The following GSKIP variants were observed in gnomAD, a reference collection of about 807,000 sequenced individuals.
The protein encoded by GSKIP is GSK3B-interacting protein.
Under a neutral mutation model 11.9 loss-of-function variants are expected in GSKIP, and 5 were observed. The ratio of observed to expected loss-of-function variants is 0.42; its 90% CI spans 0.22 to 0.89. The LOEUF (loss-of-function observed/expected upper bound fraction) is 0.89, where lower values mean the gene tolerates loss of function less well. GSKIP is among the 40% of genes least tolerant of loss of function. The probability of loss-of-function intolerance (pLI) is 0.29; values close to 1 mark genes in which losing one functional copy is unlikely to be tolerated. For missense variants in GSKIP, 150 were observed against 166.6 expected (o/e 0.90, Z 0.55); for synonymous variants, 70 against 62.9 (o/e 1.11, Z -0.54).
At chr14:96,379,828 G>C (rs1011442120) in intron 2 of GSKIP, 40 bp downstream of exon 2, 2 of 152,056 alleles carry the variant, frequency 1.3e-5, no homozygotes, top group African/African-American at 2.4e-5. Context: ...TTAAAAAAAA[G>C]CTTTATAAAT....
At chr14:96,379,269 A>C (rs1202116384) in intron 1 of GSKIP, among the ~76,000 whole-genome samples, 1 of 152,184 alleles carries the variant, frequency 6.6e-6, no homozygotes, top group East Asian at 1.9e-4. Flanking sequence ...ATGTCACTGC[A>C]CTCCAGCCTG....
chr14:96,379,900 T>A (rs916065260), intron 2 of GSKIP, 112 bp downstream of exon 2: 4 of 152,252 alleles, frequency 2.6e-5, no homozygotes, highest in Non-Finnish European at 5.9e-5. Flanking sequence ...CATCTCCAAT[T>A]GAAGTACTTG....
At chr14:96,382,526 GAA>G (rs752438974) in intron 3 of GSKIP, 21 bp downstream of exon 3, 18 of 1,532,574 alleles carry the variant, frequency 1.2e-5, no homozygotes, top group Non-Finnish European at 1.5e-5. Context: ...TTTCCTTTTA[GAA>G]AAAAAAATTA....
At chr14:96,368,275 G>C (rs1888952784) in intron 1 of GSKIP, among the ~76,000 whole-genome samples, 1 of 151,624 alleles carries the variant, frequency 6.6e-6, no homozygotes, top group South Asian at 2.1e-4. Flanking sequence ...AACCTCCCAG[G>C]TTCAACCGAT....
chr14:96,368,086 T>A (rs1211174849), intron 1 of GSKIP, among the ~76,000 whole-genome samples: 1 of 152,108 alleles, frequency 6.6e-6, no homozygotes, highest in African/African-American at 2.4e-5. Context: ...ACTGGAATTT[T>A]TTTTTTTTTT....
chr14:96,382,905 C>T (rs1248986338), intron 3 of GSKIP, among the ~76,000 whole-genome samples: 2 of 152,124 alleles, frequency 1.3e-5, no homozygotes, highest in Non-Finnish European at 2.9e-5. Context: ...ACATACTTGA[C>T]AACACTGTTT....
In GSKIP at chr14:96,381,701, A is replaced by C. The variant is rs183481942; in HGVS notation, c.-1-546A>C. ...GAAATACATATTACAACAATGAGCT[A>C]TCATTCTTTGCCTCTTAAATTGGCA... On this transcript the variant is annotated intron_variant, in intron 2 of 3. Transcript: ENST00000555181. Among the ~76,000 whole-genome samples the C allele has an allele frequency of 1.1e-3, 160 of 152,372 alleles. 1 individual carries two copies. The highest frequency in any genetic ancestry group is 1.6e-3 in the Admixed American group (25 of 15,306).
At chr14:96,375,789 T>C (rs1325595025) in intron 1 of GSKIP, among the ~76,000 whole-genome samples, 2 of 152,162 alleles carry the variant, frequency 1.3e-5, no homozygotes, top group Non-Finnish European at 2.9e-5. Flanking sequence ...GGGGTCACAT[T>C]TGGAGAGGGC....
At chr14:96,375,396 C>T (rs550885444) in intron 1 of GSKIP, among the ~76,000 whole-genome samples, 3 of 151,206 alleles carry the variant, frequency 2.0e-5, no homozygotes, top group East Asian at 1.9e-4. Context: ...ACCTGAAACT[C>T]GAAAATTTAT....
At chr14:96,366,051 C>G (rs957166199) in intron 1 of GSKIP, among the ~76,000 whole-genome samples, 1 of 151,812 alleles carries the variant, frequency 6.6e-6, no homozygotes, top group African/African-American at 2.4e-5. Flanking sequence ...AAAGCGGTAG[C>G]GGTGAAAATG....
At chr14:96,379,202 G>T (rs2139939967) in intron 1 of GSKIP, 1 of 152,454 alleles carries the variant, frequency 6.6e-6, no homozygotes, top group East Asian at 1.9e-4. Context: ...TACTCGGGAG[G>T]CTGAGGCGGG....
At chr14:96,370,149 T>C (rs1459390662) in intron 1 of GSKIP, among the ~76,000 whole-genome samples, 1 of 152,246 alleles carries the variant, frequency 6.6e-6, no homozygotes, top group Non-Finnish European at 1.5e-5. Context: ...ATTTCTCCCT[T>C]TGGAAAACAG....
Position 96,385,564 on chromosome 14 carries a change from G to A in GSKIP, c.300G>A (p.Gln100=), listed in dbSNP as rs144281004. The A allele has an allele frequency of 2.8e-5, 45 of 1,612,636 alleles. No individual in the cohort carries two copies. The highest frequency in any genetic ancestry group is 3.6e-5 in the Non-Finnish European group (43 of 1,179,302). ...YAFDQVDDHL[Q]TPYHETVYSL... is the part of the protein sequence containing the mutation. ...TTGACCAGGTAGATGATCATTTACAGACTCCCTACCATGAAACAGTCTACT... is the reference window on the plus strand; with the variant it reads ...TTGACCAGGTAGATGATCATTTACAAACTCCCTACCATGAAACAGTCTACT... Residue 100 remains glutamine (Q), a synonymous_variant, in exon 4 of 4, where the codon CAG becomes CAA. Coordinates refer to ENST00000555181, the MANE Select transcript of GSKIP (RefSeq NM_016472.5).
In GSKIP at chr14:96,371,810, A is replaced by G. The variant is rs763092291; in HGVS notation, c.-102-7878A>G. Among the ~76,000 whole-genome samples, 6 of 152,184 alleles carry G rather than the reference A, an allele frequency of 3.9e-5. No homozygotes were observed. The South Asian group carries it at 8.3e-4, about 21-fold the overall frequency. On this transcript the variant is annotated intron_variant, in intron 1 of 3. Coordinates refer to ENST00000555181, the MANE Select transcript of GSKIP (RefSeq NM_016472.5). ...CATAACTGAAGTGGAAAGAGTTGCA[A>G]AAACTTAGAGAAGGCCTAACTCAGC...
In GSKIP at chr14:96,374,183, A is replaced by G. The variant is rs140642181; in HGVS notation, c.-102-5505A>G. ...TAAAAGATTAAAAGACACAAATAGA[A>G]TAGATACTGAAGAAAAGACTAACAA... On this transcript the variant is annotated intron_variant, in intron 1 of 3. Transcript: ENST00000555181. Among the ~76,000 whole-genome samples the G allele has an allele frequency of 4.4e-3, 672 of 152,332 alleles. 6 individuals carry two copies. The highest frequency in any genetic ancestry group is 0.016 in the African/African-American group (650 of 41,586).
Position 96,370,727 on chromosome 14 carries a change from G to A in GSKIP, c.-103+7159G>A, listed in dbSNP as rs559413780. On this transcript the variant is annotated intron_variant, in intron 1 of 3. Transcript: ENST00000555181. ...CACACACTGGCTCCCCTTCCACCAC[G>A]AGCGGAAGCAGCTGGAGGCCATTGC... Among the ~76,000 whole-genome samples, 8 of 152,206 alleles carry A rather than the reference G, an allele frequency of 5.3e-5. No homozygotes were observed. In the South Asian group the frequency reaches 6.2e-4, roughly 12 times the overall value.
Position 96,385,727 on chromosome 14 carries a change from G to A in GSKIP, c.*43G>A. 1 of 1,521,794 alleles carries A rather than the reference G, an allele frequency of 6.6e-7. No homozygotes were observed. Among genetic ancestry groups the A allele is most frequent in the Non-Finnish European group, 8.9e-7 (1 of 1,122,670 alleles). 94.3% of individuals were successfully genotyped at this position (1,521,794 alleles called of 1,614,324 possible). ...AGAGGGGCTGGTGCTGGTACAGAATGTTGATATAAAGCTTAAAATTCTTGC... is the reference window on the plus strand; with the variant it reads ...AGAGGGGCTGGTGCTGGTACAGAATATTGATATAAAGCTTAAAATTCTTGC... On this transcript the variant is annotated 3_prime_UTR_variant, in exon 4 of 4. Coordinates refer to ENST00000555181, the MANE Select transcript of GSKIP (RefSeq NM_016472.5).
intron 2 of GSKIP, chr14:96,380,017 A>T (rs1170027259): frequency 6.6e-6 from 1 of 152,224 alleles, no homozygotes; most frequent in Non-Finnish European, 1.5e-5. Flanking sequence ...CTCATTTTGT[A>T]TGTATAAGAC....
At chr14:96,375,778 A>G (rs1441670947) in intron 1 of GSKIP, among the ~76,000 whole-genome samples, 1 of 152,176 alleles carries the variant, frequency 6.6e-6, no homozygotes, top group Non-Finnish European at 1.5e-5. Flanking sequence ...TCCAAGGTAG[A>G]GGGGTCACAT....
Sources: allele counts gnomAD v4.1 joint callset (sites outside exome capture counted in the v4.1 genomes callset), GRCh38; gene constraint gnomAD v4.1.1; transcripts MANE v1.5; gene names NCBI Gene and HGNC (gene_info 2026-07-23, HGNC 2026-07-21).